The following EXT1 variants were observed in gnomAD, a reference collection of about 807,000 sequenced individuals.
The protein encoded by EXT1 is exostosin glycosyltransferase 1, also known as exostosin-1.
A neutral mutation model predicts 82.5 loss-of-function variants in EXT1; 20 were observed. That is an observed-to-expected ratio of 0.24 (90% CI 0.17 to 0.35). EXT1 has a LOEUF of 0.35. Ranked by LOEUF, EXT1 falls within the 10% of genes least tolerant of loss-of-function variation. EXT1 has a pLI of 1.00. For missense variants in EXT1, 757 were observed against 936.5 expected, an observed-to-expected ratio of 0.81 and a Z score of 2.50; for synonymous variants, 348 against 350.8, an observed-to-expected ratio of 0.99 and a Z score of 0.09.
At chr8:117,942,016 G>A (rs757536029) in intron 1 of EXT1, among the ~76,000 whole-genome samples, 17 of 152,154 alleles carry the variant, frequency 1.1e-4, no homozygotes, top group Non-Finnish European at 1.9e-4. Flanking sequence ...AGTTGTTCAA[G>A]GAGTTATAGG....
intron 1 of EXT1, among the ~76,000 whole-genome samples, chr8:117,959,805 TC>T (rs1198694021): frequency 1.4e-4 from 22 of 152,208 alleles, no homozygotes; most frequent in African/African-American, 5.3e-4. Flanking sequence ...AAGTTCATAA[TC>T]CACTTCTGCC....
At chr8:117,946,752 G>A (rs902070251) in intron 1 of EXT1, among the ~76,000 whole-genome samples, 1 of 152,182 alleles carries the variant, frequency 6.6e-6, no homozygotes, top group Non-Finnish European at 1.5e-5. Context: ...CTGTTCCCAC[G>A]TGAACTTCAC....
chr8:118,079,356 C>T (rs1468110244), intron 1 of EXT1, among the ~76,000 whole-genome samples: 3 of 152,114 alleles, frequency 2.0e-5, no homozygotes, highest in Non-Finnish European at 2.9e-5. Context: ...ATTAATTACT[C>T]GAATAAAACC....
intron 1 of EXT1, among the ~76,000 whole-genome samples, chr8:117,908,668 AAAAC>A (rs1051025213): frequency 7.2e-5 from 11 of 152,012 alleles, no homozygotes; most frequent in African/African-American, 2.7e-4. Context: ...ACAAAAAACA[AAAAC>A]AAAACACACA....
At position 117,909,117 on chromosome 8, in the gene EXT1, G is replaced by A. The variant is rs551369671; in HGVS notation, c.963-71916C>T. ...GTTGGACTCCAGCCTGGTCGACAGA[G>A]CGAGACTCTGTCTCAAAAAAAAAAG... is the stretch of plus-strand genomic sequence containing the variant. On this transcript the variant is annotated intron_variant, in intron 1 of 10. Transcript: ENST00000378204. 2.0e-3 allele frequency among the ~76,000 whole-genome samples: 271 copies of A among 135,430 alleles called. 4 individuals carry two copies. The highest frequency in any genetic ancestry group is 6.6e-3 in the African/African-American group (265 of 40,392). 88.8% of individuals were successfully genotyped at this position (135,430 alleles called of 152,430 possible).
intron 1 of EXT1, among the ~76,000 whole-genome samples, chr8:117,947,236 T>C (rs568799757): frequency 5.9e-5 from 9 of 152,332 alleles, no homozygotes; most frequent in South Asian, 2.1e-4. Context: ...TCTCCAACTA[T>C]GGCCAAACGA....
At chr8:117,924,060 C>G (rs1269281374) in intron 1 of EXT1, among the ~76,000 whole-genome samples, 1 of 152,228 alleles carries the variant, frequency 6.6e-6, no homozygotes, top group Non-Finnish European at 1.5e-5. Flanking sequence ...GAATTCGTAT[C>G]ACGTGGGAGC....
intron 1 of EXT1, among the ~76,000 whole-genome samples, chr8:117,936,541 A>G (rs1022435946): frequency 1.3e-5 from 2 of 152,232 alleles, no homozygotes; most frequent in Admixed American, 6.5e-5. Flanking sequence ...GGAACTGTCT[A>G]TCTTCTCTAT....
intron 1 of EXT1, among the ~76,000 whole-genome samples, chr8:118,096,158 T>C (rs2044076708): frequency 1.3e-5 from 2 of 151,998 alleles, no homozygotes; most frequent in African/African-American, 4.8e-5. Context: ...AAACTACAAT[T>C]AAAGGGGGGG....
At chr8:118,064,238 G>C (rs1438017773) in intron 1 of EXT1, among the ~76,000 whole-genome samples, 2 of 151,918 alleles carry the variant, frequency 1.3e-5, no homozygotes, top group African/African-American at 4.8e-5. Flanking sequence ...GTGCAGGTTT[G>C]TTACATAGGT....
At chr8:117,810,083 A>G (rs1043242453) in intron 8 of EXT1, among the ~76,000 whole-genome samples, 2 of 152,228 alleles carry the variant, frequency 1.3e-5, no homozygotes, top group Non-Finnish European at 2.9e-5. Flanking sequence ...TTAACACATC[A>G]AAGAAGGCAA....
chr8:117,952,600 A>T (rs1022789113), intron 1 of EXT1, among the ~76,000 whole-genome samples: 4 of 152,204 alleles, frequency 2.6e-5, no homozygotes, highest in African/African-American at 9.7e-5. Context: ...CGTCTCTACT[A>T]AAAACACAAA....
chr8:117,986,934 T>C (rs1308996697), intron 1 of EXT1, among the ~76,000 whole-genome samples: 2 of 152,224 alleles, frequency 1.3e-5, no homozygotes, highest in African/African-American at 4.8e-5. Flanking sequence ...GTGAAATTAA[T>C]GCAAACCAAA....
At chr8:118,018,327 C>T (rs1345978487) in intron 1 of EXT1, among the ~76,000 whole-genome samples, 1 of 152,104 alleles carries the variant, frequency 6.6e-6, no homozygotes, top group Non-Finnish European at 1.5e-5. Context: ...CATGTATGCA[C>T]ATACACACGG....
chr8:118,032,756 C>T (rs970151959), intron 1 of EXT1, among the ~76,000 whole-genome samples: 4 of 151,932 alleles, frequency 2.6e-5, no homozygotes, highest in African/African-American at 9.7e-5. Flanking sequence ...GTGATCTGCC[C>T]GCCTCAGCCT....
intron 1 of EXT1, among the ~76,000 whole-genome samples, chr8:117,879,093 T>C (rs917341590): frequency 1.3e-5 from 2 of 152,192 alleles, no homozygotes; most frequent in African/African-American, 2.4e-5. Flanking sequence ...TACAGCTAGA[T>C]GTCAACAGCT....
intron 1 of EXT1, among the ~76,000 whole-genome samples, chr8:118,005,680 A>G (rs1387318601): frequency 1.3e-5 from 2 of 152,224 alleles, no homozygotes; most frequent in Admixed American, 6.5e-5. Flanking sequence ...GCATTTCACC[A>G]CTACGCAAAG....
At chr8:117,809,218 A>AACATATATATATAT (rs71569748) in intron 8 of EXT1, among the ~76,000 whole-genome samples, 32 of 107,936 alleles carry the variant, frequency 3.0e-4, no homozygotes, top group African/African-American at 8.4e-4. Flanking sequence ...TGTGTGTATA[A>AACATATATATATAT]ATATATATAT....
intron 1 of EXT1, among the ~76,000 whole-genome samples, chr8:118,034,968 A>T (rs1816392834): frequency 6.6e-6 from 1 of 152,218 alleles, no homozygotes; most frequent in Non-Finnish European, 1.5e-5. Flanking sequence ...GTTTTTAATT[A>T]AAAAGCTAAA....
Sources: allele counts gnomAD v4.1 joint callset (sites outside exome capture counted in the v4.1 genomes callset), GRCh38; gene constraint gnomAD v4.1.1; transcripts MANE v1.5; gene names NCBI Gene and HGNC (gene_info 2026-07-23, HGNC 2026-07-21).